The following INVS variants were observed in gnomAD, a reference collection of about 807,000 sequenced individuals.
INVS encodes the protein inversin, also known as inversion of embryo turning homolog.
Under a neutral mutation model 108.8 loss-of-function variants are expected in INVS, and 86 were observed. The observed-to-expected ratio is 0.79, with a 90% CI of 0.66 to 0.95. The LOEUF (loss-of-function observed/expected upper bound fraction) is 0.95. Among genes scored for constraint, INVS ranks in the 40% least tolerant of loss-of-function variants. The pLI is 0.00. For missense variants in INVS, 1,169 were observed against 1,297.4 expected (o/e 0.90, Z 1.52); for synonymous variants, 455 against 473.5 (o/e 0.96, Z 0.51).
intron 3 of INVS, among the ~76,000 whole-genome samples, chr9:100,208,864 C>T (rs529485232): frequency 6.6e-6 from 1 of 152,246 alleles, no homozygotes; most frequent in Admixed American, 6.5e-5. Flanking sequence ...TTTACAGATA[C>T]TACTTTTATG....
chr9:100,291,751 T>C (rs1588149762), intron 13 of INVS, among the ~76,000 whole-genome samples: 2 of 152,358 alleles, frequency 1.3e-5, no homozygotes, highest in East Asian at 3.9e-4. Flanking sequence ...GGAGACTCCT[T>C]ACCCCATCCA....
chr9:100,241,906 G>C (rs1370784293), intron 6 of INVS, among the ~76,000 whole-genome samples: 1 of 152,106 alleles, frequency 6.6e-6, no homozygotes, highest in African/African-American at 2.4e-5. Flanking sequence ...GCTACTACCA[G>C]GTTTATTCAT....
intron 3 of INVS, among the ~76,000 whole-genome samples, chr9:100,176,572 G>C (rs1168566985): frequency 6.6e-6 from 1 of 152,012 alleles, no homozygotes; most frequent in African/African-American, 2.4e-5. Flanking sequence ...CACCTTCCGG[G>C]TTGATGTGAT....
At chr9:100,249,217 C>T (rs1260533220) in intron 8 of INVS, among the ~76,000 whole-genome samples, 2 of 152,040 alleles carry the variant, frequency 1.3e-5, no homozygotes, top group South Asian at 2.1e-4. Flanking sequence ...ATTATCCACT[C>T]GACTGTCTAT....
intron 3 of INVS, among the ~76,000 whole-genome samples, chr9:100,192,442 A>G (rs373317752): frequency 7.9e-5 from 12 of 152,282 alleles, no homozygotes; most frequent in African/African-American, 2.9e-4. Flanking sequence ...TTATACATTC[A>G]TGGGATGATG....
intron 3 of INVS, among the ~76,000 whole-genome samples, chr9:100,147,868 T>A (rs1828669292): frequency 6.6e-6 from 1 of 152,028 alleles, no homozygotes; most frequent in African/African-American, 2.4e-5. Flanking sequence ...AAATTAAGAC[T>A]ATAAATTGCT....
At chr9:100,175,359 G>C (rs192627563) in intron 3 of INVS, 2 of 765,720 alleles carry the variant, frequency 2.6e-6, no homozygotes, top group Non-Finnish European at 4.8e-6. Context: ...GAGTCCCAAA[G>C]GCAGACAACT....
chr9:100,229,630 T>C, intron 4 of INVS, 30 bp from the exon 5 acceptor site: 1 of 1,608,666 alleles, frequency 6.2e-7, no homozygotes, highest in Non-Finnish European at 8.5e-7. Flanking sequence ...TTGTTACTGT[T>C]GTTATTTCGA....
intron 3 of INVS, among the ~76,000 whole-genome samples, chr9:100,185,260 C>T (rs534219948): frequency 6.6e-6 from 1 of 151,670 alleles, no homozygotes; most frequent in Admixed American, 6.6e-5. Context: ...CAAGAATGTA[C>T]AGAAAAATAT....
chr9:100,121,269 G>A (rs1260499414), intron 2 of INVS, among the ~76,000 whole-genome samples: 1 of 152,072 alleles, frequency 6.6e-6, no homozygotes, highest in Non-Finnish European at 1.5e-5. Flanking sequence ...AATTACATTT[G>A]CAAAATCCCT....
intron 1 of INVS, among the ~76,000 whole-genome samples, chr9:100,100,088 T>C (rs1826773359): frequency 6.6e-6 from 1 of 152,156 alleles, no homozygotes. Context: ...TTATAATTAT[T>C]AGAGCATTTA....
chr9:100,235,491 A>G (rs1389868371), intron 5 of INVS, among the ~76,000 whole-genome samples: 3 of 152,274 alleles, frequency 2.0e-5, no homozygotes, highest in African/African-American at 7.2e-5. Context: ...ATCTCTTTGC[A>G]GTGGCTGGTA....
intron 3 of INVS, among the ~76,000 whole-genome samples, chr9:100,141,097 A>G (rs1029073234): frequency 1.3e-5 from 2 of 152,206 alleles, no homozygotes; most frequent in Non-Finnish European, 2.9e-5. Context: ...AGAGCAGGGC[A>G]TGTGTGAGTA....
chr9:100,175,011 T>G (rs1003511037), intron 3 of INVS, among the ~76,000 whole-genome samples: 3 of 152,234 alleles, frequency 2.0e-5, no homozygotes, highest in African/African-American at 7.2e-5. Context: ...TGAACTGAGC[T>G]GGTTGCCTTC....
chr9:100,242,809 T>TTTTATTTA, intron 7 of INVS, 130 bp downstream of exon 7: 1 of 615,358 alleles, frequency 1.6e-6, no homozygotes, highest in Non-Finnish European at 2.9e-6. Context: ...TTCACTCTGT[T>TTTTATTTA]TTTATTTATT....
chr9:100,292,570 T>C lies in INVS; in HGVS notation c.2313T>C (p.Asp771=), dbSNP rs147112151. The C allele has an allele frequency of 1.0e-4, 169 of 1,614,070 alleles. No homozygotes were observed. In the African/African-American group the frequency reaches 1.9e-3, roughly 18 times the overall value. Residue 771 remains aspartate, a synonymous_variant, in exon 14 of 17, where the codon GAT becomes GAC. Transcript: ENST00000262457. ...RRAAASLPPH[D]SHWKPSRRHD... ...CAGCTGCAAGCCTTCCACCGCACGA[T>C]AGCCACTGGAAGCCCAGCAGGCGGC...
intron 2 of INVS, among the ~76,000 whole-genome samples, chr9:100,122,303 GTTTC>G (rs1265341368): frequency 1.3e-5 from 2 of 152,044 alleles, no homozygotes; most frequent in Admixed American, 1.3e-4. Flanking sequence ...GTTTTCAAGT[GTTTC>G]TTTCTATTCT....
chr9:100,265,425 A>G (rs931884349), intron 11 of INVS, among the ~76,000 whole-genome samples: 16 of 152,230 alleles, frequency 1.1e-4, no homozygotes, highest in African/African-American at 3.6e-4. Context: ...ATTTAGAATC[A>G]TGGGATCTTA....
chr9:100,242,288 A>G (rs927221962), intron 6 of INVS, among the ~76,000 whole-genome samples: 1 of 152,204 alleles, frequency 6.6e-6, no homozygotes, highest in Non-Finnish European at 1.5e-5. Flanking sequence ...AGGAAATGCA[A>G]TGAGGTGATA....
Sources: allele counts gnomAD v4.1 joint callset (sites outside exome capture counted in the v4.1 genomes callset), GRCh38; gene constraint gnomAD v4.1.1; transcripts MANE v1.5; gene names NCBI Gene and HGNC (gene_info 2026-07-23, HGNC 2026-07-21).